CUX1: variants seen among roughly 807,000 people sequenced by gnomAD.
CUX1 encodes the protein protein CASP.
A neutral mutation model predicts 158.8 loss-of-function variants in CUX1; 31 were observed. The ratio of observed to expected loss-of-function variants is 0.20; its 90% CI spans 0.15 to 0.26. The LOEUF (loss-of-function observed/expected upper bound fraction) is 0.26. CUX1 is among the 10% of genes least tolerant of loss of function. The probability of loss-of-function intolerance (pLI) is 1.00; values close to 1 mark genes in which losing one functional copy is unlikely to be tolerated. For synonymous variants in CUX1, 879 were observed against 862.1 expected, an observed-to-expected ratio of 1.02 and a Z score of -0.34; for missense variants, 1,589 against 2,014.6, an observed-to-expected ratio of 0.79 and a Z score of 4.04.
intron 1 of CUX1, among the ~76,000 whole-genome samples, chr7:101,862,383 G>A (rs907799743): frequency 5.2e-4 from 79 of 152,034 alleles, no homozygotes; most frequent in Admixed American, 2.1e-3. Flanking sequence ...GGACTTGCAC[G>A]CTGTGCAGTT....
chr7:102,008,841 T>A (rs2129291070), intron 2 of CUX1, among the ~76,000 whole-genome samples: 1 of 152,196 alleles, frequency 6.6e-6, no homozygotes, highest in African/African-American at 2.4e-5. Flanking sequence ...GCACCCCAGG[T>A]CTTTTATCAG....
In CUX1 at chr7:102,239,381, C is replaced by G. The variant is rs573420133; in HGVS notation, c.3684C>G (p.Val1228=). 2 of 1,613,068 alleles carry G rather than the reference C, an allele frequency of 1.2e-6. No homozygotes were observed. Among genetic ancestry groups the G allele is most frequent in the Admixed American group, 1.7e-5 (1 of 60,024 alleles). ...SDSQPCEPPS[V]GTEYSQGASP... ...GCCAGCCCTGCGAACCGCCCTCTGT[C>G]GGCACCGAGTACAGCCAGGGCGCCA... Residue 1228 remains valine, a synonymous_variant, in exon 23 of 24, where the codon GTC becomes GTG. Coordinates refer to ENST00000292535, the MANE Select transcript of CUX1 (RefSeq NM_181552.4).
At chr7:102,121,085 T>C (rs1202953195) in intron 8 of CUX1, among the ~76,000 whole-genome samples, 1 of 152,134 alleles carries the variant, frequency 6.6e-6, no homozygotes, top group Non-Finnish European at 1.5e-5. Flanking sequence ...TAATAATTTT[T>C]AAAAGGAGGG....
At chr7:101,890,701 G>C (rs1486076696) in intron 1 of CUX1, among the ~76,000 whole-genome samples, 1 of 151,958 alleles carries the variant, frequency 6.6e-6, no homozygotes, top group Admixed American at 6.6e-5. Context: ...CTCACTGCTG[G>C]GACACAAATC....
chr7:101,938,117 ATT>A (rs534059788), intron 2 of CUX1, among the ~76,000 whole-genome samples: 12 of 140,612 alleles, frequency 8.5e-5, no homozygotes, highest in Admixed American at 1.4e-4. Context: ...TGGTGTGTGT[ATT>A]TTTTTTTTTT....
At chr7:102,220,028 G>A (rs577460299) in intron 20 of CUX1, among the ~76,000 whole-genome samples, 38 of 152,318 alleles carry the variant, frequency 2.5e-4, no homozygotes, top group Non-Finnish European at 4.7e-4. Flanking sequence ...TCTCATGTTT[G>A]TGATATGAGC....
At chr7:102,240,861 C>T (rs1362716582) in intron 23 of CUX1, among the ~76,000 whole-genome samples, 1 of 152,160 alleles carries the variant, frequency 6.6e-6, no homozygotes, top group African/African-American at 2.4e-5. Flanking sequence ...TGCTCTGTCG[C>T]CCAGGTTGGA....
chr7:101,866,199 C>T (rs1258341859), intron 1 of CUX1, among the ~76,000 whole-genome samples: 4 of 152,036 alleles, frequency 2.6e-5, no homozygotes, highest in Non-Finnish European at 4.4e-5. Context: ...TGGTGGCTCA[C>T]GCCTGTAATT....
At chr7:102,189,787 C>T (rs1794085510) in intron 11 of CUX1, 26 bp from the exon 12 acceptor site, 1 of 1,613,876 alleles carries the variant, frequency 6.2e-7, no homozygotes, top group East Asian at 2.2e-5. Flanking sequence ...GGCATGGCCA[C>T]TGATCAAATT....
intron 6 of CUX1, among the ~76,000 whole-genome samples, chr7:102,104,702 C>T (rs1238671719): frequency 2.0e-5 from 3 of 151,892 alleles, no homozygotes; most frequent in African/African-American, 7.3e-5. Flanking sequence ...CCAGCATGAC[C>T]AACATGGTGA....
chr7:102,072,042 T>A (rs1194787526), intron 4 of CUX1, among the ~76,000 whole-genome samples: 2 of 152,176 alleles, frequency 1.3e-5, no homozygotes, highest in Non-Finnish European at 2.9e-5. Context: ...TCCTTCACAG[T>A]AAAATGGATC....
intron 2 of CUX1, among the ~76,000 whole-genome samples, chr7:101,989,762 C>T (rs1814859530): frequency 6.6e-6 from 1 of 152,228 alleles, no homozygotes. Flanking sequence ...TACCCCCGTC[C>T]TTCCCACCCC....
chr7:101,902,291 G>A (rs942924392), intron 1 of CUX1, among the ~76,000 whole-genome samples: 1 of 152,148 alleles, frequency 6.6e-6, no homozygotes, highest in Non-Finnish European at 1.5e-5. Flanking sequence ...TCTGTGAAAT[G>A]GGGCGGTACC....
chr7:101,885,780 C>T (rs554146985), intron 1 of CUX1, among the ~76,000 whole-genome samples: 2 of 152,320 alleles, frequency 1.3e-5, no homozygotes, highest in African/African-American at 4.8e-5. Context: ...GCCCAGCTCT[C>T]CCTGACGAGG....
At chr7:102,122,661 C>G (rs77807379) in intron 8 of CUX1, among the ~76,000 whole-genome samples, 3,147 of 152,292 alleles carry the variant, frequency 0.021, 34 homozygotes, top group Non-Finnish European at 0.032. Flanking sequence ...AGAAATTCCT[C>G]TGAGCGCTGA....
At position 102,201,105 on chromosome 7, in the gene CUX1, A is replaced by G. The variant is rs1795387270; in HGVS notation, c.2063-255A>G. Among the ~76,000 whole-genome samples, 1 of 150,686 alleles carries G rather than the reference A, an allele frequency of 6.6e-6. No homozygotes were observed. The highest frequency in any genetic ancestry group is 6.6e-5 in the Admixed American group (1 of 15,096). ...GGCAGGTCGGGGAGCACTTTCACTG[A>G]CACCCCCTTTATTACCCTCTACATC... On this transcript the variant is annotated intron_variant, in intron 17 of 23. Transcript: ENST00000292535. This position sits in a 1 kb window ranked among gnomAD's most constrained non-coding sequence, Gnocchi z 5.0.
At chr7:102,038,772 T>G (rs554948756) in intron 3 of CUX1, among the ~76,000 whole-genome samples, 3 of 152,164 alleles carry the variant, frequency 2.0e-5, no homozygotes, top group Non-Finnish European at 4.4e-5. Context: ...AGCAACATAG[T>G]GAGACCTCCA....
intron 1 of CUX1, among the ~76,000 whole-genome samples, chr7:101,873,073 A>G (rs1031633389): frequency 1.3e-5 from 2 of 150,806 alleles, no homozygotes; most frequent in Non-Finnish European, 2.9e-5. Flanking sequence ...GGGTTTCACC[A>G]TGTTGGCCAG....
chr7:102,199,896 C>T (rs1272282225), intron 16 of CUX1, among the ~76,000 whole-genome samples, 175 bp from the exon 17 acceptor site: 6 of 152,214 alleles, frequency 3.9e-5, no homozygotes, highest in Non-Finnish European at 7.3e-5. Flanking sequence ...TCCCTCCTGC[C>T]CGGTGTCGCT....
Sources: gnomAD v4.1 joint callset for allele counts (sites outside exome capture counted in the v4.1 genomes callset) on GRCh38, gnomAD v4.1.1 for gene constraint, Gnocchi (gnomAD v3.1) non-coding constraint, MANE v1.5 for transcripts, NCBI Gene and HGNC (gene_info 2026-07-23, HGNC 2026-07-21) for gene names.